Variants in CNGB3 observed in about 807,000 individuals in gnomAD.
CNGB3 encodes cyclic nucleotide-gated channel beta-3.
CNGB3 carries 86 observed loss-of-function variants against 92.8 expected under a neutral mutation model. The observed-to-expected ratio is 0.93, with a 90% confidence interval of 0.78 to 1.11. CNGB3 has a LOEUF of 1.11. CNGB3 is among the 50% of genes least tolerant of loss of function. CNGB3 has a pLI of 0.00. For synonymous variants in CNGB3, 333 were observed against 332.7 expected, an observed-to-expected ratio of 1.00 and a Z score of -0.01; for missense variants, 1,026 against 956.8, an observed-to-expected ratio of 1.07 and a Z score of -0.95.
chr8:86,696,175 T>G (rs1418544000), intron 3 of CNGB3, among the ~76,000 whole-genome samples: 1 of 152,202 alleles, frequency 6.6e-6, no homozygotes, highest in African/African-American at 2.4e-5. Flanking sequence ...GACCTCTGAT[T>G]AGCCAGGGCG....
chr8:86,740,675 T>A (rs1377166664), intron 1 of CNGB3, among the ~76,000 whole-genome samples: 2 of 152,206 alleles, frequency 1.3e-5, no homozygotes, highest in East Asian at 3.8e-4. Flanking sequence ...ACATTATTTA[T>A]AAGCCTTGTG....
intron 7 of CNGB3, among the ~76,000 whole-genome samples, chr8:86,653,073 G>A (rs1046486989): frequency 1.3e-5 from 2 of 151,966 alleles, no homozygotes; most frequent in African/African-American, 4.8e-5. Flanking sequence ...GGATTTTTCG[G>A]CTCCCTTATA....
At chr8:86,592,466 T>G (rs1822068511) in intron 15 of CNGB3, among the ~76,000 whole-genome samples, 1 of 152,212 alleles carries the variant, frequency 6.6e-6, no homozygotes, top group South Asian at 2.1e-4. Context: ...TGTGAGGTGG[T>G]CATGTATTAG....
intron 15 of CNGB3, among the ~76,000 whole-genome samples, chr8:86,587,699 C>A (rs1231670239): frequency 6.7e-6 from 1 of 150,134 alleles, no homozygotes; most frequent in African/African-American, 2.5e-5. Flanking sequence ...TGATCTATAT[C>A]TCTGTTTTGG....
chr8:86,644,663 A>G lies in CNGB3; in HGVS notation c.1014T>C (p.Asn338=). The change falls in exon 9 of 18, where the codon AAT becomes AAC. Residue 338 remains asparagine (N), a synonymous_variant. Coordinates refer to ENST00000320005, the MANE Select transcript of CNGB3 (RefSeq NM_019098.5). ...MLKYTSFFEF[N]HHLESIMDKA... Reference sequence around the variant, plus strand: ...TGTCCATTATAGACTCTAGGTGATGATTAAATTCAAAAAATGAAGTGTACT... The same window carrying G: ...TGTCCATTATAGACTCTAGGTGATGGTTAAATTCAAAAAATGAAGTGTACT... 6.3e-7 allele frequency: 1 copy of G among 1,591,124 alleles called. No individual in the cohort carries two copies.
At position 86,622,590 on chromosome 8, in the gene CNGB3, G is replaced by T. The variant is rs114491554; in HGVS notation, c.1578+3393C>A. Among the ~76,000 whole-genome samples, 1,379 of 152,112 alleles carry T rather than the reference G, an allele frequency of 9.1e-3. 21 individuals carry two copies. Among genetic ancestry groups the T allele is most frequent in the African/African-American group, 0.029 (1,222 of 41,494 alleles). ...CACCACCAGAAGCAATCATTAATCT[G>T]ACTTCCACCATTACAGAATAATTTA... On this transcript the variant is annotated intron_variant, in intron 13 of 17. Coordinates refer to ENST00000320005, the MANE Select transcript of CNGB3 (RefSeq NM_019098.5).
intron 13 of CNGB3, among the ~76,000 whole-genome samples, chr8:86,623,392 G>T (rs1466859386): frequency 6.6e-6 from 1 of 152,166 alleles, no homozygotes; most frequent in Non-Finnish European, 1.5e-5. Flanking sequence ...AGACCGAGAA[G>T]TCCAAGATCA....
intron 6 of CNGB3, chr8:86,661,873 C>T (rs1455018122): frequency 9.9e-7 from 1 of 1,014,106 alleles, no homozygotes; most frequent in South Asian, 1.3e-5. Context: ...AGATTTGGGT[C>T]ATCACAGTCC....
intron 6 of CNGB3, chr8:86,659,640 G>T: frequency 2.0e-6 from 1 of 505,604 alleles, no homozygotes; most frequent in South Asian, 1.6e-5. Context: ...ACTGCAGGCA[G>T]CTGGCCAGAT....
chr8:86,708,589 T>C (rs1586029293), intron 3 of CNGB3, among the ~76,000 whole-genome samples: 1 of 126,810 alleles, frequency 7.9e-6, no homozygotes, highest in East Asian at 2.3e-4. Context: ...TTTTTTTGAG[T>C]CAGGGTCTCA....
intron 6 of CNGB3, chr8:86,659,155 C>A (rs1302232027): frequency 2.8e-6 from 2 of 710,966 alleles, no homozygotes; most frequent in Non-Finnish European, 2.5e-6. Flanking sequence ...ATGCTGTGCT[C>A]CTTCTCCTCC....
At position 86,670,971 on chromosome 8, in the gene CNGB3, A is replaced by C. The variant is rs1823848112; in HGVS notation, c.466T>G (p.Ser156Ala). 6.2e-7 allele frequency: 1 copy of C among 1,612,604 alleles called. No homozygotes were observed. Among genetic ancestry groups the C allele is most frequent in the African/African-American group, 1.3e-5 (1 of 74,972 alleles). The change falls in exon 4 of 18, where the codon TCC (serine) becomes GCC (alanine). Residue 156 changes from serine (S) to alanine (A), a missense_variant. By Grantham distance (99) the Ser-to-Ala change is moderately conservative (BLOSUM62 1). Transcript: ENST00000320005. ...YKKKLVEGDLSSPEASPQTAK... is the reference protein window; with the variant it reads ...YKKKLVEGDLASPEASPQTAK... ...GTTTGTGGGCTGGCTTCGGGTGAGGAGAGATCTCCCTCTACCAACTTTTTC... is the reference window on the plus strand; with the variant it reads ...GTTTGTGGGCTGGCTTCGGGTGAGGCGAGATCTCCCTCTACCAACTTTTTC...
At chr8:86,669,452 C>G in intron 4 of CNGB3, among the ~76,000 whole-genome samples, 1 of 152,138 alleles carries the variant, frequency 6.6e-6, no homozygotes, top group South Asian at 2.1e-4. Flanking sequence ...ATTTTAAATA[C>G]AAGCTTGATT....
At chr8:86,670,884 C>A in intron 4 of CNGB3, 60 bp downstream of exon 4, 2 of 1,578,316 alleles carry the variant, frequency 1.3e-6, no homozygotes, top group Non-Finnish European at 8.7e-7. Context: ...AAAACATCTG[C>A]AAAACACAGG....
chr8:86,690,015 G>A (rs1355039895), intron 3 of CNGB3, among the ~76,000 whole-genome samples: 7 of 152,100 alleles, frequency 4.6e-5, no homozygotes, highest in Admixed American at 1.3e-4. Context: ...TAGTGTCACA[G>A]TAAACATACA....
At position 86,726,727 on chromosome 8, in the gene CNGB3, G is replaced by A. The variant is rs577821097; in HGVS notation, c.212-70C>T. 6 of 1,550,396 alleles carry A rather than the reference G, an allele frequency of 3.9e-6. No homozygotes were observed. The South Asian group carries it at 5.6e-5, about 14-fold the overall frequency. ...TTGACCCAGCTATATTTGGCAACAT[G>A]AGCTACAAAGATGCTGCTTGTTTTT... is the stretch of plus-strand genomic sequence containing the variant. On this transcript the variant is annotated intron_variant, in intron 2 of 17. Coordinates refer to ENST00000320005, the MANE Select transcript of CNGB3 (RefSeq NM_019098.5).
At chr8:86,658,692 G>A (rs1585998109) in intron 6 of CNGB3, 2 of 392,802 alleles carry the variant, frequency 5.1e-6, no homozygotes, top group South Asian at 6.1e-5. Flanking sequence ...CTTCTCGCTC[G>A]GCTCTTTCTT....
At chr8:86,683,347 C>A (rs1444020522) in intron 3 of CNGB3, among the ~76,000 whole-genome samples, 16 of 152,032 alleles carry the variant, frequency 1.1e-4, no homozygotes, top group Non-Finnish European at 1.9e-4. Context: ...TAAGCATATC[C>A]AAGCAGGTGG....
At chr8:86,595,115 C>T (rs1423318950) in intron 15 of CNGB3, among the ~76,000 whole-genome samples, 2 of 152,176 alleles carry the variant, frequency 1.3e-5, no homozygotes, top group Admixed American at 6.5e-5. Flanking sequence ...TTAAGAATTT[C>T]ATCTCTGAAA....
Sources: gnomAD v4.1 joint callset for allele counts (sites outside exome capture counted in the v4.1 genomes callset) on GRCh38, gnomAD v4.1.1 for gene constraint, MANE v1.5 for transcripts, NCBI Gene and HGNC (gene_info 2026-07-23, HGNC 2026-07-21) for gene names.